COP1: variants seen among roughly 807,000 people sequenced by gnomAD.
COP1 encodes the protein E3 ubiquitin-protein ligase COP1.
A neutral mutation model predicts 101.3 loss-of-function variants in COP1; 24 were observed. That is an observed-to-expected ratio of 0.24 (90% CI 0.17 to 0.33). COP1 has a LOEUF of 0.33. Ranked by LOEUF, COP1 falls within the 10% of genes least tolerant of loss-of-function variation. The pLI, the probability that COP1 is intolerant of heterozygous loss-of-function variation, is 1.00. For missense variants in COP1, 663 were observed against 906.2 expected, an observed-to-expected ratio of 0.73 and a Z score of 3.45; for synonymous variants, 347 against 341.9, an observed-to-expected ratio of 1.01 and a Z score of -0.17.
chr1:176,042,730 CAAA>C (rs35637870), intron 14 of COP1, among the ~76,000 whole-genome samples: 8 of 49,644 alleles, frequency 1.6e-4, no homozygotes, highest in Middle Eastern at 0.012. Flanking sequence ...AACTCTATCT[CAAA>C]AAAAAAAAAA....
At chr1:176,000,722 A>G (rs1168276187) in intron 15 of COP1, among the ~76,000 whole-genome samples, 2 of 151,892 alleles carry the variant, frequency 1.3e-5, no homozygotes, top group Non-Finnish European at 1.5e-5. Flanking sequence ...TTTTACATGC[A>G]ATGTTGCTTT....
At chr1:176,053,904 A>G (rs912489906) in intron 11 of COP1, among the ~76,000 whole-genome samples, 1 of 152,118 alleles carries the variant, frequency 6.6e-6, no homozygotes, top group East Asian at 1.9e-4. Flanking sequence ...AACTAACCCT[A>G]GTTAAATTTC....
At chr1:175,949,183 A>AAAAAAAAAAAAC (rs1351718211) in intron 18 of COP1, among the ~76,000 whole-genome samples, 1 of 148,546 alleles carries the variant, frequency 6.7e-6, no homozygotes, top group Non-Finnish European at 1.5e-5. Flanking sequence ...AAAAAAAAAA[A>AAAAAAAAAAAAC]AAAAAAAAAT....
At chr1:176,079,964 C>A (rs924627106) in intron 11 of COP1, among the ~76,000 whole-genome samples, 1 of 151,598 alleles carries the variant, frequency 6.6e-6, no homozygotes, top group Non-Finnish European at 1.5e-5. Flanking sequence ...CTGAGGATCG[C>A]CTAGGCAGCA....
At chr1:176,189,234 T>G (rs1260261897) in intron 1 of COP1, among the ~76,000 whole-genome samples, 1 of 152,210 alleles carries the variant, frequency 6.6e-6, no homozygotes, top group South Asian at 2.1e-4. Flanking sequence ...AGGCACTGTC[T>G]AATTGAGAAT....
At chr1:176,055,778 G>T (rs534382496) in intron 11 of COP1, among the ~76,000 whole-genome samples, 6 of 152,082 alleles carry the variant, frequency 3.9e-5, no homozygotes, top group African/African-American at 1.4e-4. Flanking sequence ...AAAAGCTCAT[G>T]AATTGATTTA....
chr1:176,010,635 G>C (rs1486951360), intron 15 of COP1, among the ~76,000 whole-genome samples: 1 of 152,144 alleles, frequency 6.6e-6, no homozygotes, highest in African/African-American at 2.4e-5. Flanking sequence ...TTGTTCCAAT[G>C]GTGATGCCAA....
intron 9 of COP1, among the ~76,000 whole-genome samples, chr1:176,094,033 GA>G (rs10718811): frequency 0.75 from 108,775 of 145,106 alleles, 42,278 homozygotes; most frequent in East Asian, 0.92. Flanking sequence ...AAAAAAAAAG[GA>G]AAAAAAAAAA....
At chr1:176,192,399 A>T (rs1699204317) in intron 1 of COP1, among the ~76,000 whole-genome samples, 2 of 152,132 alleles carry the variant, frequency 1.3e-5, no homozygotes, top group Non-Finnish European at 2.9e-5. Context: ...ACAGACACAG[A>T]TCTTCACTAG....
chr1:176,074,498 A>C (rs1677608445), intron 11 of COP1, among the ~76,000 whole-genome samples: 1 of 152,172 alleles, frequency 6.6e-6, no homozygotes, highest in Non-Finnish European at 1.5e-5. Context: ...TAGAAAAAAA[A>C]CGAATGTAGC....
chr1:176,081,865 T>G (rs1003660639), intron 10 of COP1, among the ~76,000 whole-genome samples: 1 of 152,292 alleles, frequency 6.6e-6, no homozygotes, highest in South Asian at 2.1e-4. Context: ...AAAAAAAGTT[T>G]GAAATTGCTC....
chr1:175,996,384 G>T (rs1339006279), intron 15 of COP1, among the ~76,000 whole-genome samples: 1 of 152,192 alleles, frequency 6.6e-6, no homozygotes, highest in African/African-American at 2.4e-5. Context: ...CATAGTGTTG[G>T]AAGTTCTGGC....
chr1:176,115,282 T>C (rs1685990830), intron 9 of COP1, among the ~76,000 whole-genome samples: 1 of 151,396 alleles, frequency 6.6e-6, no homozygotes, highest in South Asian at 2.1e-4. Flanking sequence ...AACCCCCATC[T>C]CTACTAAAAA....
At chr1:176,111,189 A>G (rs1369903817) in intron 9 of COP1, among the ~76,000 whole-genome samples, 1 of 152,174 alleles carries the variant, frequency 6.6e-6, no homozygotes, top group Non-Finnish European at 1.5e-5. Flanking sequence ...TATTTATCTC[A>G]CAGAGTAGCT....
rs968453412 is a variant in COP1 at position 175,979,832 on chromosome 1, C to T, written c.2133+7111G>A. ...GAAGTATCTCCCAACTCCACTTCAG[C>T]ATTTCTTTGATTCCAATTAATTACC... On this transcript the variant is annotated intron_variant, in intron 18 of 19. Transcript: ENST00000367669. Among the ~76,000 whole-genome samples, 7 of 152,222 alleles carry T rather than the reference C, an allele frequency of 4.6e-5. No individual in the cohort carries two copies. The South Asian group carries it at 1.5e-3, about 32-fold the overall frequency.
At chr1:176,151,409 GAA>G (rs1164740449) in intron 5 of COP1, among the ~76,000 whole-genome samples, 1 of 133,016 alleles carries the variant, frequency 7.5e-6, no homozygotes, top group African/African-American at 2.6e-5. Flanking sequence ...AAGAAAGAAA[GAA>G]AGAAAGAAAC....
chr1:176,070,699 T>A (rs1397091236), intron 11 of COP1, among the ~76,000 whole-genome samples: 1 of 152,156 alleles, frequency 6.6e-6, no homozygotes, highest in Non-Finnish European at 1.5e-5. Context: ...TCATCCAGAC[T>A]GGAGTGTAGT....
intron 1 of COP1, among the ~76,000 whole-genome samples, chr1:176,204,293 G>A (rs543272565): frequency 6.6e-6 from 1 of 152,060 alleles, no homozygotes; most frequent in Non-Finnish European, 1.5e-5. Flanking sequence ...AAAATAAAAC[G>A]TGAAGCATAA....
intron 6 of COP1, among the ~76,000 whole-genome samples, chr1:176,144,400 C>T (rs1379866334): frequency 6.6e-6 from 1 of 151,778 alleles, no homozygotes; most frequent in African/African-American, 2.4e-5. Context: ...GTAAGACTAC[C>T]CTGAAAAATA....
Sources: allele counts gnomAD v4.1 joint callset (sites outside exome capture counted in the v4.1 genomes callset), GRCh38; gene constraint gnomAD v4.1.1; transcripts MANE v1.5; gene names NCBI Gene and HGNC (gene_info 2026-07-23, HGNC 2026-07-21).